Variants in APLP2 observed in about 807,000 individuals in gnomAD.
APLP2 encodes the protein CDEI box-binding protein.
Under a neutral mutation model 89.9 loss-of-function variants are expected in APLP2, and 53 were observed. That is an observed-to-expected ratio of 0.59 (90% CI 0.47 to 0.74). APLP2 has a LOEUF of 0.74. Ranked by LOEUF, APLP2 falls within the 30% of genes least tolerant of loss-of-function variation. APLP2 has a pLI of 0.00. For missense variants in APLP2, 973 were observed against 975.9 expected (o/e 1.00, Z 0.04); for synonymous variants, 372 against 348.6 (o/e 1.07, Z -0.75).
At chr11:130,115,436 G>T (rs1456981539) in intron 3 of APLP2, among the ~76,000 whole-genome samples, 1 of 152,108 alleles carries the variant, frequency 6.6e-6, no homozygotes, top group Non-Finnish European at 1.5e-5. Flanking sequence ...CTAAAACCTG[G>T]ATGGCTGCCA....
At chr11:130,111,026 T>G (rs1315836285) in intron 3 of APLP2, among the ~76,000 whole-genome samples, 1 of 152,182 alleles carries the variant, frequency 6.6e-6, no homozygotes, top group African/African-American at 2.4e-5. Context: ...TCCCTTACTT[T>G]CATCCCACAC....
intron 3 of APLP2, among the ~76,000 whole-genome samples, chr11:130,118,985 C>T (rs975686958): frequency 6.6e-6 from 1 of 152,200 alleles, no homozygotes; most frequent in Admixed American, 6.5e-5. Context: ...CCCCTACTTA[C>T]ACATCAGCAA....
chr11:130,099,505 G>A (rs1170787880), intron 1 of APLP2, among the ~76,000 whole-genome samples: 1 of 152,230 alleles, frequency 6.6e-6, no homozygotes, highest in Non-Finnish European at 1.5e-5. Flanking sequence ...TCACAGAAGT[G>A]TTTTGATAGT....
In APLP2 at chr11:130,110,603, G is replaced by T; in HGVS notation, c.345G>T (p.Trp115Cys). The T allele has an allele frequency of 1.2e-6, 2 of 1,613,858 alleles. No individual in the cohort carries two copies. The highest frequency in any genetic ancestry group is 8.5e-7 in the Non-Finnish European group (1 of 1,179,990). ...ACCAGCGGGTTAGTATTGACAACTGGTGCCGGAGGGACAAAAAGCAATGCA... is the reference window on the plus strand; with the variant it reads ...ACCAGCGGGTTAGTATTGACAACTGTTGCCGGAGGGACAAAAAGCAATGCA... ...EANQRVSIDN[W>C]CRRDKKQCKS... The change falls in exon 3 of 17, where the codon TGG becomes TGT. Residue 115 changes from tryptophan (W) to cysteine (C), a missense_variant. Coordinates refer to ENST00000338167, the MANE Select transcript of APLP2 (RefSeq NM_001142276.2).
chr11:130,107,099 A>C (rs1947888824), intron 1 of APLP2, among the ~76,000 whole-genome samples: 1 of 152,214 alleles, frequency 6.6e-6, no homozygotes, highest in Admixed American at 6.5e-5. Context: ...AGCCCCAAGA[A>C]AGCAGGTCAT....
At chr11:130,126,948 T>A in intron 8 of APLP2, 118 bp downstream of exon 8, 1 of 1,425,308 alleles carries the variant, frequency 7.0e-7, no homozygotes, top group Non-Finnish European at 9.7e-7. Context: ...TAAGGACTGG[T>A]GAGTCAGGAG....
chr11:130,083,026 CTTTTTT>C (rs553962550), intron 1 of APLP2, among the ~76,000 whole-genome samples: 11 of 72,518 alleles, frequency 1.5e-4, no homozygotes, highest in African/African-American at 6.9e-4. Context: ...CTTTTCTTTT[CTTTTTT>C]TTTTTTTTTT....
At position 130,127,815 on chromosome 11, in the gene APLP2, A is replaced by G. The variant is rs765555441; in HGVS notation, c.1271A>G (p.Lys424Arg). The change falls in exon 9 of 17, where the codon AAA becomes AGA. Residue 424 changes from lysine to arginine, a missense_variant. Coordinates refer to ENST00000338167, the MANE Select transcript of APLP2 (RefSeq NM_001142276.2). ...GAGCTTCAAGCTAAGAACCTCCCCA[A>G]AGCAGAGAGGCAGACTCTGATTCAG... ...EAELQAKNLPKAERQTLIQHF... is the reference protein window; with the variant it reads ...EAELQAKNLPRAERQTLIQHF... 8.7e-6 allele frequency: 14 copies of G among 1,614,180 alleles called. 1 individual carries two copies. The South Asian group carries it at 1.3e-4, about 15-fold the overall frequency.
chr11:130,129,864 T>C (rs1283959746), intron 10 of APLP2, among the ~76,000 whole-genome samples, 174 bp from the exon 11 acceptor site: 1 of 152,268 alleles, frequency 6.6e-6, no homozygotes, highest in African/African-American at 2.4e-5. Context: ...TTTGCTATTT[T>C]ACCTAGACAG....
intron 16 of APLP2, 61 bp from the exon 17 acceptor site, chr11:130,143,286 C>T: frequency 6.7e-7 from 1 of 1,495,074 alleles, no homozygotes; most frequent in Admixed American, 1.7e-5. Flanking sequence ...TCAGGTCTCC[C>T]AGCACCCTGT....
At chr11:130,096,138 C>T (rs1407617283) in intron 1 of APLP2, among the ~76,000 whole-genome samples, 1 of 152,102 alleles carries the variant, frequency 6.6e-6, no homozygotes, top group Non-Finnish European at 1.5e-5. Context: ...GGGAAGGCTT[C>T]GAGTTCTGGG....
chr11:130,137,214 G>T, intron 13 of APLP2: 1 of 1,575,422 alleles, frequency 6.3e-7, no homozygotes, highest in Non-Finnish European at 8.7e-7. Flanking sequence ...ATCTCCTTTT[G>T]TGCTATTTTA....
intron 4 of APLP2, 56 bp from the exon 5 acceptor site, chr11:130,121,558 A>G (rs1382384257): frequency 2.0e-6 from 3 of 1,526,294 alleles, no homozygotes; most frequent in East Asian, 2.3e-5. Flanking sequence ...ATCGGAGTGT[A>G]TTTGACCACG....
chr11:130,142,204 C>A lies in APLP2; in HGVS notation c.2154+130C>A, dbSNP rs1029195061. The A allele has an allele frequency of 3.7e-6, 4 of 1,072,882 alleles. No homozygotes were observed. The East Asian group carries it at 1.2e-4, about 31-fold the overall frequency. The allele number at this position is 1,072,882 out of a possible 1,614,324, so 66.5% of individuals were successfully genotyped here. A position where few individuals can be genotyped will look rare whatever the true frequency, so the allele number is the denominator to read the frequency against. On this transcript the variant is annotated intron_variant, in intron 16 of 16. Transcript: ENST00000338167. ...CTGCTGTTATCAGTTCAGTTACTCA[C>A]TGGATTCCTAGGTCGTGTTTTTGGA...
rs77878182 is a variant in APLP2, at chr11:130,103,963, C to T, written c.106-5466C>T. Among the ~76,000 whole-genome samples the T allele has an allele frequency of 2.6e-3, 392 of 152,280 alleles. 2 individuals are homozygous for T. Among genetic ancestry groups the T allele is most frequent in the African/African-American group, 9.0e-3 (372 of 41,558 alleles). ...GTTTAGGAAGCACATTCCTTCCGAC[C>T]TGTAGATTGGGCTTTTCATATACGT... On this transcript the variant is annotated intron_variant, in intron 1 of 16. Transcript: ENST00000338167.
chr11:130,093,335 A>G (rs576067665), intron 1 of APLP2, among the ~76,000 whole-genome samples: 1 of 152,334 alleles, frequency 6.6e-6, no homozygotes, highest in South Asian at 2.1e-4. Flanking sequence ...AGAAAAAGCA[A>G]CTTGAAGGCA....
chr11:130,130,595 GGTTCC>G (rs1386226912), intron 11 of APLP2, among the ~76,000 whole-genome samples: 5 of 152,074 alleles, frequency 3.3e-5, no homozygotes, highest in Non-Finnish European at 5.9e-5. Flanking sequence ...GTTTGTTTCT[GGTTCC>G]TACTTCTAAT....
At chr11:130,088,332 CAG>C (rs1297434283) in intron 1 of APLP2, among the ~76,000 whole-genome samples, 1 of 152,176 alleles carries the variant, frequency 6.6e-6, no homozygotes, top group Non-Finnish European at 1.5e-5. Context: ...GGTAAGGAAA[CAG>C]AGTTTTCCAA....
At chr11:130,097,953 G>A (rs1946429416) in intron 1 of APLP2, among the ~76,000 whole-genome samples, 1 of 152,124 alleles carries the variant, frequency 6.6e-6, no homozygotes, top group Admixed American at 6.5e-5. Flanking sequence ...ACCCTTACGC[G>A]TGGATGTGTG....
Sources: gnomAD v4.1 joint callset for allele counts (sites outside exome capture counted in the v4.1 genomes callset) on GRCh38, gnomAD v4.1.1 for gene constraint, MANE v1.5 for transcripts, NCBI Gene and HGNC (gene_info 2026-07-23, HGNC 2026-07-21) for gene names.